The following CCNK variants were observed in gnomAD, a reference collection of about 807,000 sequenced individuals.
The protein encoded by CCNK is cyclin K, also known as cyclin-K.
Under a neutral mutation model 65.0 loss-of-function variants are expected in CCNK, and 9 were observed. The observed-to-expected ratio is 0.14, with a 90% CI of 0.08 to 0.24. The LOEUF (loss-of-function observed/expected upper bound fraction) is 0.24. Ranked by LOEUF, CCNK falls within the 10% of genes least tolerant of loss-of-function variation. CCNK has a pLI of 1.00. For synonymous variants in CCNK, 279 were observed against 270.8 expected, an observed-to-expected ratio of 1.03 and a Z score of -0.30; for missense variants, 474 against 720.0, an observed-to-expected ratio of 0.66 and a Z score of 3.91.
rs548595713 is a variant in CCNK, at chr14:99,484,320, G to C, written c.-53+2841G>C. Among the ~76,000 whole-genome samples the C allele has an allele frequency of 2.6e-4, 40 of 152,354 alleles. No individual in the cohort carries two copies. The South Asian group carries it at 8.1e-3, about 31-fold the overall frequency. On this transcript the variant is annotated intron_variant, in intron 1 of 10. Transcript: ENST00000389879. ...CTTGCAGACATGCTGCAACGCAGCA[G>C]ACACACAATGGACATGTTACTGCAT...
At chr14:99,509,932 GA>G (rs1441177705) in intron 10 of CCNK, 1 of 593,920 alleles carries the variant, frequency 1.7e-6, no homozygotes, top group African/African-American at 1.9e-5. Context: ...CTGAGGGAGG[GA>G]AAACCCCAGG....
intron 2 of CCNK, 89 bp downstream of exon 2, chr14:99,492,963 A>G: frequency 1.9e-6 from 2 of 1,079,022 alleles, no homozygotes; most frequent in Non-Finnish European, 2.6e-6. Context: ...AATATATAGT[A>G]ATTTCTCTGT....
At chr14:99,488,910 T>C (rs1896545354) in intron 1 of CCNK, among the ~76,000 whole-genome samples, 1 of 149,966 alleles carries the variant, frequency 6.7e-6, no homozygotes, top group African/African-American at 2.5e-5. Context: ...GTGGCTCCTA[T>C]GTCTTTTTTT....
At chr14:99,484,043 T>TA (rs957766345) in intron 1 of CCNK, among the ~76,000 whole-genome samples, 2 of 152,150 alleles carry the variant, frequency 1.3e-5, no homozygotes, top group African/African-American at 2.4e-5. Flanking sequence ...TCAAAAAAAA[T>TA]AAAAAATAAA....
chr14:99,490,627 TA>T, intron 1 of CCNK, among the ~76,000 whole-genome samples: 1 of 152,208 alleles, frequency 6.6e-6, no homozygotes, highest in African/African-American at 2.4e-5. Context: ...TGAATTACTT[TA>T]AAAAAATAGA....
rs1374897881 is a variant in CCNK, at chr14:99,511,904, G to C, written c.*1122G>C. 1 of 152,406 alleles carries C rather than the reference G, an allele frequency of 6.6e-6. No individual in the cohort carries two copies. Among genetic ancestry groups the C allele is most frequent in the Non-Finnish European group, 1.5e-5 (1 of 68,054 alleles). The allele number at this position is 152,406 out of a possible 1,614,324, so 9.4% of individuals were successfully genotyped here. A position where few individuals can be genotyped will look rare whatever the true frequency, so the allele number is the denominator to read the frequency against. On this transcript the variant is annotated 3_prime_UTR_variant, in exon 11 of 11. Transcript: ENST00000389879. ...GCAGCGGCCTCACTGTCCACCTTGA[G>C]GGGCCACGGCTCTGTCTGTGGAAGG...
At chr14:99,489,462 C>T (rs564074743) in intron 1 of CCNK, among the ~76,000 whole-genome samples, 2 of 152,230 alleles carry the variant, frequency 1.3e-5, no homozygotes, top group South Asian at 2.1e-4. Flanking sequence ...GCCAGGAGTT[C>T]GATGCTGCAG....
In CCNK at chr14:99,510,309, C is replaced by A. The variant is rs1279653590; in HGVS notation, c.1270C>A (p.Pro424Thr). 12 of 1,554,066 alleles carry A rather than the reference C, an allele frequency of 7.7e-6. No homozygotes were observed. The highest frequency in any genetic ancestry group is 1.1e-5 in the Non-Finnish European group (12 of 1,136,746). ...PPLPHRPPPPPPSSYMTGMST... is the reference protein window; with the variant it reads ...PPLPHRPPPPTPSSYMTGMST... Reference sequence around the variant, plus strand: ...GCTGCCACACCGGCCCCCGCCCCCACCCCCCTCCAGCTACATGACCGGGAT... The same window carrying A: ...GCTGCCACACCGGCCCCCGCCCCCAACCCCCTCCAGCTACATGACCGGGAT... Residue 424 changes from proline to threonine, a missense_variant, in exon 11 of 11, where the codon CCC becomes ACC. Pro to Thr is a conservative substitution (Grantham distance 38). Transcript: ENST00000389879.
rs756475241 is a variant in CCNK, at chr14:99,502,383, G to A, written c.745+7G>A. ...CCGGTCGACGTTTTGGAAGGTACCA[G>A]GCATGCTAAGCGTTCTCGTGAGGGT... On this transcript the variant is annotated splice_region_variant and intron_variant, in intron 7 of 10. Transcript: ENST00000389879. 1.2e-6 allele frequency: 2 copies of A among 1,612,994 alleles called. No individual in the cohort carries two copies. Among genetic ancestry groups the A allele is most frequent in the African/African-American group, 1.3e-5 (1 of 75,006 alleles).
At chr14:99,499,876 ATTAT>A (rs1896782987) in intron 4 of CCNK, among the ~76,000 whole-genome samples, 1 of 152,242 alleles carries the variant, frequency 6.6e-6, no homozygotes, top group Non-Finnish European at 1.5e-5. Context: ...ATTCTCCCTA[ATTAT>A]TCTATAAATC....
chr14:99,484,747 G>GTTTC (rs1327556239), intron 1 of CCNK, among the ~76,000 whole-genome samples: 4 of 152,150 alleles, frequency 2.6e-5, no homozygotes, highest in Non-Finnish European at 5.9e-5. Context: ...AACTAATGAG[G>GTTTC]TTTCATTGAT....
rs1455379853 is a variant in CCNK, at chr14:99,485,980, T to G, written c.-53+4501T>G. Among the ~76,000 whole-genome samples, 4 of 152,248 alleles carry G rather than the reference T, an allele frequency of 2.6e-5. No homozygotes were observed. In the East Asian group the frequency reaches 7.7e-4, roughly 29 times the overall value. ...AAATGTTATTTTATTTATATGTGTATATATGTATTTTCTTGAAATATAATC... is the reference window on the plus strand; with the variant it reads ...AAATGTTATTTTATTTATATGTGTAGATATGTATTTTCTTGAAATATAATC... On this transcript the variant is annotated intron_variant, in intron 1 of 10. Transcript: ENST00000389879.
At chr14:99,510,109 C>G in intron 10 of CCNK, 48 bp from the exon 11 acceptor site, 2 of 1,544,450 alleles carry the variant, frequency 1.3e-6, no homozygotes, top group African/African-American at 1.4e-5. Context: ...ACTGAAAAAG[C>G]AACCATTGCT....
At chr14:99,507,014 T>G in intron 9 of CCNK, 62 bp from the exon 10 acceptor site, 1 of 991,432 alleles carries the variant, frequency 1.0e-6, no homozygotes, top group South Asian at 1.3e-5. Context: ...CATTTTTCTT[T>G]ATGACATGCT....
intron 6 of CCNK, 138 bp from the exon 7 acceptor site, chr14:99,502,069 G>GTTTA: frequency 1.0e-6 from 1 of 966,138 alleles, no homozygotes; most frequent in Middle Eastern, 3.4e-4. Flanking sequence ...AAAGACTTGA[G>GTTTA]TTTATTTATT....
At chr14:99,497,694 A>G (rs928781358) in intron 4 of CCNK, among the ~76,000 whole-genome samples, 3 of 152,330 alleles carry the variant, frequency 2.0e-5, no homozygotes, top group Admixed American at 6.5e-5. Context: ...AGCATTATGT[A>G]TGTATATACA....
At position 99,510,310 on chromosome 14, in the gene CCNK, C is replaced by T. The variant is rs1218732319; in HGVS notation, c.1271C>T (p.Pro424Leu). Residue 424 changes from proline (P) to leucine (L), a missense_variant, in exon 11 of 11, where the codon CCC becomes CTC. Around this residue, in one of 6 missense-constraint regions of CCNK, gnomAD observed 229 missense variants for 275.5 expected, o/e 0.83. Coordinates refer to ENST00000389879, the MANE Select transcript of CCNK (RefSeq NM_001099402.2). ...CTGCCACACCGGCCCCCGCCCCCACCCCCCTCCAGCTACATGACCGGGATG... is the reference window on the plus strand; with the variant it reads ...CTGCCACACCGGCCCCCGCCCCCACTCCCCTCCAGCTACATGACCGGGATG... ...PPLPHRPPPP[P>L]PSSYMTGMST... The T allele has an allele frequency of 6.4e-7, 1 of 1,559,796 alleles. No homozygotes were observed. Among genetic ancestry groups the T allele is most frequent in the Non-Finnish European group, 8.8e-7 (1 of 1,141,176 alleles).
At chr14:99,503,246 T>C (rs1327582141) in intron 8 of CCNK, 5 of 648,170 alleles carry the variant, frequency 7.7e-6, no homozygotes, top group South Asian at 5.1e-5. Context: ...TTCTGAAGCC[T>C]GTCGGTGTCG....
chr14:99,499,631 T>G (rs1218439893), intron 4 of CCNK, among the ~76,000 whole-genome samples: 1 of 152,128 alleles, frequency 6.6e-6, no homozygotes, highest in East Asian at 1.9e-4. Flanking sequence ...TGGTTGTGGT[T>G]TATGTTGTCT....
Sources: gnomAD v4.1 joint callset for allele counts (sites outside exome capture counted in the v4.1 genomes callset) on GRCh38, gnomAD v4.1.1 for gene constraint, gnomAD v4.1.1 regional missense constraint, MANE v1.5 for transcripts, NCBI Gene and HGNC (gene_info 2026-07-23, HGNC 2026-07-21) for gene names.